Variants in FAM107B observed in about 807,000 individuals in gnomAD.
FAM107B encodes protein FAM107B.
Under a neutral mutation model 31.5 loss-of-function variants are expected in FAM107B, and 21 were observed. That is an observed-to-expected ratio of 0.67 (90% CI 0.47 to 0.96). FAM107B has a LOEUF of 0.96. FAM107B is among the 40% of genes least tolerant of loss of function. The probability of loss-of-function intolerance (pLI) is 0.00; values close to 1 mark genes in which losing one functional copy is unlikely to be tolerated. For missense variants in FAM107B, 452 were observed against 377.1 expected, an observed-to-expected ratio of 1.20 and a Z score of -1.64; for synonymous variants, 157 against 141.5, an observed-to-expected ratio of 1.11 and a Z score of -0.78.
intron 1 of FAM107B, among the ~76,000 whole-genome samples, chr10:14,702,767 C>G (rs1431325666): frequency 6.6e-6 from 1 of 152,044 alleles, no homozygotes; most frequent in Non-Finnish European, 1.5e-5. Context: ...CGAAGTCCAC[C>G]CCAAAACATG....
intron 2 of FAM107B, among the ~76,000 whole-genome samples, chr10:14,659,112 T>C (rs1201373834): frequency 1.3e-5 from 2 of 152,148 alleles, no homozygotes; most frequent in Non-Finnish European, 2.9e-5. Context: ...CCCAGTAGCA[T>C]TTTCCGTAAT....
chr10:14,662,527 C>A (rs1399859974), intron 2 of FAM107B, among the ~76,000 whole-genome samples: 1 of 152,172 alleles, frequency 6.6e-6, no homozygotes, highest in Non-Finnish European at 1.5e-5. Context: ...CAGGCATGCA[C>A]CACCATGCCC....
intron 2 of FAM107B, among the ~76,000 whole-genome samples, chr10:14,580,475 G>T (rs1851601009): frequency 6.6e-6 from 1 of 151,960 alleles, no homozygotes; most frequent in African/African-American, 2.4e-5. Flanking sequence ...GTTTCCTGGG[G>T]GCCAGGACCA....
intron 1 of FAM107B, among the ~76,000 whole-genome samples, chr10:14,756,638 T>C (rs1008073031): frequency 1.3e-5 from 2 of 152,208 alleles, no homozygotes; most frequent in Admixed American, 6.5e-5. Flanking sequence ...AGAAATACCA[T>C]TTAACCCAGC....
intron 1 of FAM107B, among the ~76,000 whole-genome samples, chr10:14,767,646 G>A (rs1414997540): frequency 6.6e-6 from 1 of 151,876 alleles, no homozygotes. Flanking sequence ...ATACTCAAAA[G>A]GTTAGGAATA....
At chr10:14,608,028 C>A (rs936507205) in intron 2 of FAM107B, among the ~76,000 whole-genome samples, 1 of 152,116 alleles carries the variant, frequency 6.6e-6, no homozygotes, top group African/African-American at 2.4e-5. Context: ...TATTTGGGGA[C>A]GTAAAATGAT....
chr10:14,539,857 T>C (rs755511293), intron 2 of FAM107B, among the ~76,000 whole-genome samples: 4 of 152,164 alleles, frequency 2.6e-5, no homozygotes, highest in Non-Finnish European at 5.9e-5. Context: ...CCTCACTTCC[T>C]CTACTCCTGT....
chr10:14,598,447 C>T (rs1442012861), intron 2 of FAM107B, among the ~76,000 whole-genome samples: 2 of 152,164 alleles, frequency 1.3e-5, no homozygotes, highest in African/African-American at 4.8e-5. Context: ...AGAAGCCAGG[C>T]ACAGAAGGAC....
chr10:14,747,550 T>C (rs1443098705), intron 1 of FAM107B, among the ~76,000 whole-genome samples: 1 of 152,180 alleles, frequency 6.6e-6, no homozygotes, highest in African/African-American at 2.4e-5. Context: ...AGGCCCCTCT[T>C]CCATAGGGTG....
intron 2 of FAM107B, among the ~76,000 whole-genome samples, chr10:14,538,293 C>T (rs935413126): frequency 6.6e-6 from 1 of 152,184 alleles, no homozygotes; most frequent in Admixed American, 6.5e-5. Flanking sequence ...TCATAATAGT[C>T]CCAAACTGGA....
intron 1 of FAM107B, among the ~76,000 whole-genome samples, chr10:14,703,309 T>G (rs1165020188): frequency 2.6e-5 from 4 of 151,982 alleles, no homozygotes; most frequent in African/African-American, 4.8e-5. Context: ...CTAAGTTTGT[T>G]TCCTTTTCCT....
At chr10:14,583,615 AGTCCT>A (rs999617540) in intron 2 of FAM107B, among the ~76,000 whole-genome samples, 1 of 152,122 alleles carries the variant, frequency 6.6e-6, no homozygotes, top group Non-Finnish European at 1.5e-5. Flanking sequence ...ACCCCACCCC[AGTCCT>A]AAAGGTAAGG....
At chr10:14,745,664 G>C (rs557735309) in intron 1 of FAM107B, among the ~76,000 whole-genome samples, 163 of 152,262 alleles carry the variant, frequency 1.1e-3, no homozygotes, top group African/African-American at 3.8e-3. Context: ...TGGTCTGAGA[G>C]ACTGTTTATT....
intron 1 of FAM107B, among the ~76,000 whole-genome samples, chr10:14,704,968 G>A (rs550924120): frequency 7.1e-6 from 1 of 140,122 alleles, no homozygotes; most frequent in Non-Finnish European, 1.5e-5. Context: ...AGCTTGCCGC[G>A]AGCCAAGATG....
At chr10:14,677,591 A>C (rs1023120097) in intron 1 of FAM107B, among the ~76,000 whole-genome samples, 1 of 152,142 alleles carries the variant, frequency 6.6e-6, no homozygotes, top group Non-Finnish European at 1.5e-5. Flanking sequence ...ACTGCACTCC[A>C]GCCTGGGCGA....
chr10:14,711,000 C>T (rs1855633868), intron 1 of FAM107B, among the ~76,000 whole-genome samples: 1 of 152,028 alleles, frequency 6.6e-6, no homozygotes, highest in Non-Finnish European at 1.5e-5. Context: ...GCAACCTCTG[C>T]CTCAAAGGTT....
At chr10:14,589,823 A>T (rs905335975) in intron 2 of FAM107B, among the ~76,000 whole-genome samples, 3 of 152,222 alleles carry the variant, frequency 2.0e-5, no homozygotes, top group Non-Finnish European at 4.4e-5. Flanking sequence ...AAATTTAAAA[A>T]TTTTAAAAAT....
At position 14,726,408 on chromosome 10, in the gene FAM107B, C is replaced by T. The variant is rs1243257545; in HGVS notation, c.411+47845G>A. On this transcript the variant is annotated intron_variant, in intron 1 of 4. Coordinates refer to ENST00000181796, the MANE Select transcript of FAM107B (RefSeq NM_031453.4). Reference sequence around the variant, plus strand: ...GTGCCTGCCTCAGAGCCGAGCAGAACAGGTGCAGCAGGACAGGATGTCTGC... The same window carrying T: ...GTGCCTGCCTCAGAGCCGAGCAGAATAGGTGCAGCAGGACAGGATGTCTGC... Among the ~76,000 whole-genome samples, 6 of 152,182 alleles carry T rather than the reference C, an allele frequency of 3.9e-5. No homozygotes were observed. In the East Asian group the frequency reaches 1.2e-3, roughly 29 times the overall value.
intron 2 of FAM107B, among the ~76,000 whole-genome samples, chr10:14,590,916 G>A (rs1851995288): frequency 6.7e-6 from 1 of 148,496 alleles, no homozygotes; most frequent in South Asian, 2.1e-4. Flanking sequence ...ATGAATCCAG[G>A]AGGCGGAGGT....
Sources: allele counts gnomAD v4.1 joint callset (sites outside exome capture counted in the v4.1 genomes callset), GRCh38; gene constraint gnomAD v4.1.1; transcripts MANE v1.5; gene names NCBI Gene and HGNC (gene_info 2026-07-23, HGNC 2026-07-21).